The following KCNC2 variants were observed in gnomAD, a reference collection of about 807,000 sequenced individuals.
KCNC2 encodes the protein potassium voltage-gated channel subfamily C member 2.
A neutral mutation model predicts 44.5 loss-of-function variants in KCNC2; 21 were observed. That is an observed-to-expected ratio of 0.47 (90% CI 0.33 to 0.68). KCNC2 has a LOEUF of 0.68. Among genes scored for constraint, KCNC2 ranks in the 30% least tolerant of loss-of-function variants. The pLI is 0.01. For missense variants in KCNC2, 589 were observed against 826.2 expected (o/e 0.71, Z 3.52); for synonymous variants, 391 against 339.1 (o/e 1.15, Z -1.68).
chr12:75,092,521 C>G (rs895267877), intron 2 of KCNC2, among the ~76,000 whole-genome samples: 2 of 151,540 alleles, frequency 1.3e-5, no homozygotes, highest in Non-Finnish European at 1.5e-5. Context: ...TATATTCAAG[C>G]ATATTTTACT....
intron 2 of KCNC2, among the ~76,000 whole-genome samples, chr12:75,086,681 A>AATATATATATATATATATATATATATAT (rs398044519): frequency 9.2e-5 from 5 of 54,200 alleles, no homozygotes; most frequent in African/African-American, 3.1e-4. Flanking sequence ...AAAAAAAAAA[A>AATATATATATATATATATATATATATAT]ATATATATAT....
intron 2 of KCNC2, among the ~76,000 whole-genome samples, chr12:75,104,399 A>G (rs1211435709): frequency 6.6e-6 from 1 of 152,160 alleles, no homozygotes; most frequent in African/African-American, 2.4e-5. Flanking sequence ...TTTCAATTTA[A>G]TATTTTCAGG....
intron 2 of KCNC2, among the ~76,000 whole-genome samples, chr12:75,196,436 T>A (rs1361980488): frequency 6.6e-6 from 1 of 152,044 alleles, no homozygotes; most frequent in Non-Finnish European, 1.5e-5. Flanking sequence ...ACGCCTCACC[T>A]CCAGAAATGA....
At chr12:75,120,818 A>T (rs969481640) in intron 2 of KCNC2, among the ~76,000 whole-genome samples, 4 of 152,126 alleles carry the variant, frequency 2.6e-5, no homozygotes, top group Admixed American at 1.3e-4. Context: ...ACTCTTGATT[A>T]TTAGCAGCTT....
At chr12:75,044,419 T>A (rs1397212948) in intron 4 of KCNC2, 1 of 151,926 alleles carries the variant, frequency 6.6e-6, no homozygotes, top group Non-Finnish European at 1.5e-5. Context: ...CTCAGTGTAC[T>A]CGATGAGTGT....
At chr12:75,120,751 AT>A (rs1292211321) in intron 2 of KCNC2, among the ~76,000 whole-genome samples, 1 of 152,202 alleles carries the variant, frequency 6.6e-6, no homozygotes, top group Non-Finnish European at 1.5e-5. Context: ...AAGAAGAGAT[AT>A]GGGAATTATT....
chr12:75,094,167 T>G (rs1216929103), intron 2 of KCNC2, among the ~76,000 whole-genome samples: 1 of 151,714 alleles, frequency 6.6e-6, no homozygotes, highest in African/African-American at 2.4e-5. Context: ...AAGTTAAATA[T>G]GATTCTCTTT....
At position 75,080,890 on chromosome 12, in the gene KCNC2, C is replaced by T. The variant is rs867025601; in HGVS notation, c.688-29573G>A. Among the ~76,000 whole-genome samples, 3 of 151,944 alleles carry T rather than the reference C, an allele frequency of 2.0e-5. No individual in the cohort carries two copies. In the South Asian group the frequency reaches 6.2e-4, roughly 31 times the overall value. On this transcript the variant is annotated intron_variant, in intron 2 of 4. Transcript: ENST00000549446. Reference sequence around the variant, plus strand: ...ATATGACCACTCTATGACAGCATAGCCCTCAGTACATAATGCAGTGCTCAA... The same window carrying T: ...ATATGACCACTCTATGACAGCATAGTCCTCAGTACATAATGCAGTGCTCAA...
intron 2 of KCNC2, among the ~76,000 whole-genome samples, chr12:75,119,717 G>C (rs1887920447): frequency 1.3e-5 from 2 of 152,242 alleles, no homozygotes; most frequent in South Asian, 4.1e-4. Flanking sequence ...CCTTCACTTG[G>C]AAAGCTTTCC....
rs539430383 is a variant in KCNC2 at position 75,068,851 on chromosome 12, A to G, written c.688-17534T>C. On this transcript the variant is annotated intron_variant, in intron 2 of 4. Transcript: ENST00000549446. The stretch of plus-strand genomic sequence containing the variant: ...AATGACCAGGGTAGAGGAAAGGAGG[A>G]CTAACTGTTCTTTACAAGTTTTACC... 8.1e-4 allele frequency among the ~76,000 whole-genome samples: 124 copies of G among 152,280 alleles called. 1 individual carries two copies. The highest frequency in any genetic ancestry group is 7.5e-3 in the Admixed American group (114 of 15,284).
chr12:75,204,431 A>T (rs1271362601), intron 2 of KCNC2, among the ~76,000 whole-genome samples: 1 of 152,038 alleles, frequency 6.6e-6, no homozygotes, highest in Non-Finnish European at 1.5e-5. Flanking sequence ...TATATAACTG[A>T]TCCAATCCTT....
At chr12:75,057,192 G>T (rs1055959776) in intron 2 of KCNC2, among the ~76,000 whole-genome samples, 1 of 151,934 alleles carries the variant, frequency 6.6e-6, no homozygotes, top group Non-Finnish European at 1.5e-5. Flanking sequence ...TAAATTGGAA[G>T]TTTTTAATTT....
chr12:75,138,958 G>A (rs1302665888), intron 2 of KCNC2, among the ~76,000 whole-genome samples: 2 of 120,540 alleles, frequency 1.7e-5, no homozygotes, highest in African/African-American at 6.7e-5. Flanking sequence ...TCCTGCCTGG[G>A]CCACAGAGCG....
intron 2 of KCNC2, among the ~76,000 whole-genome samples, chr12:75,060,787 A>G (rs1882241830): frequency 6.6e-6 from 1 of 152,104 alleles, no homozygotes; most frequent in Non-Finnish European, 1.5e-5. Flanking sequence ...TTTTCCTAAT[A>G]TGTTATTCAA....
chr12:75,126,524 G>A (rs572053259), intron 2 of KCNC2, among the ~76,000 whole-genome samples: 19 of 152,058 alleles, frequency 1.2e-4, no homozygotes, highest in Non-Finnish European at 2.8e-4. Context: ...TATAAAAAGA[G>A]GATTTCCACA....
intron 2 of KCNC2, among the ~76,000 whole-genome samples, chr12:75,151,948 A>G (rs1890427518): frequency 6.8e-6 from 1 of 146,528 alleles, no homozygotes; most frequent in Admixed American, 6.9e-5. Flanking sequence ...ATACATTTAT[A>G]TATAATATAT....
intron 2 of KCNC2, among the ~76,000 whole-genome samples, chr12:75,074,295 TCAC>T (rs1025123116): frequency 1.5e-5 from 2 of 137,398 alleles, no homozygotes; most frequent in African/African-American, 2.7e-5. Context: ...TCTGCAAAAC[TCAC>T]CAGTGGCCTA....
chr12:75,200,055 G>A (rs140690192), intron 2 of KCNC2, among the ~76,000 whole-genome samples: 146 of 151,760 alleles, frequency 9.6e-4, no homozygotes, highest in African/African-American at 3.1e-3. Flanking sequence ...GCAACTGGAA[G>A]GGAATCTTGA....
chr12:75,157,410 T>C (rs1020431057), intron 2 of KCNC2, among the ~76,000 whole-genome samples: 1 of 151,918 alleles, frequency 6.6e-6, no homozygotes, highest in East Asian at 1.9e-4. Context: ...AGCAATTATC[T>C]ACCTCAGGAT....
Sources: gnomAD v4.1 joint callset for allele counts (sites outside exome capture counted in the v4.1 genomes callset) on GRCh38, gnomAD v4.1.1 for gene constraint, MANE v1.5 for transcripts, NCBI Gene and HGNC (gene_info 2026-07-23, HGNC 2026-07-21) for gene names.